Variants in MPO observed in about 807,000 individuals in gnomAD.
MPO encodes myeloperoxidase.
A neutral mutation model predicts 69.4 loss-of-function variants in MPO; 57 were observed. The ratio of observed to expected loss-of-function variants is 0.82; its 90% CI spans 0.66 to 1.02. The LOEUF (loss-of-function observed/expected upper bound fraction) is 1.02, where lower values mean the gene tolerates loss of function less well. MPO is among the 50% of genes least tolerant of loss of function. The pLI is 0.00. For missense variants in MPO, 971 were observed against 1,014.1 expected (o/e 0.96, Z 0.58); for synonymous variants, 426 against 417.1 (o/e 1.02, Z -0.26).
chr17:58,273,849 G>A (rs550826646), intron 8 of MPO, among the ~76,000 whole-genome samples, 180 bp from the exon 9 acceptor site: 52 of 152,324 alleles, frequency 3.4e-4, no homozygotes, highest in African/African-American at 1.2e-3. Context: ...GTGGCACTGA[G>A]AGGCATAAAT....
chr17:58,271,899 G>C lies in MPO; in HGVS notation c.1793-7C>G. 2 of 1,613,614 alleles carry C rather than the reference G, an allele frequency of 1.2e-6. No individual in the cohort carries two copies. The highest frequency in any genetic ancestry group is 1.3e-5 in the African/African-American group (1 of 75,060). On this transcript the variant is annotated splice_region_variant and splice_polypyrimidine_tract_variant and intron_variant, in intron 10 of 11. Transcript: ENST00000225275. ...CGCCTCCAGGCATTGTATCCTGCAT[G>C]GGGGAGGGGACAGGTGGCTATGGGC...
At position 58,270,845 on chromosome 17, in the gene MPO, C is replaced by T. The variant is rs1284597575; in HGVS notation, c.2049G>A (p.Glu683=). The part of the protein sequence containing the change: ...RDGDRFWWEN[E]GVFSMQQRQA... ...GTCGCTGCTGCATGCTGAACACACC[C>T]TCGTTCTCCCACCAAAACCTGCATG... The change falls in exon 12 of 12, where the codon GAG becomes GAA. Residue 683 remains glutamate (E), a synonymous_variant. Transcript: ENST00000225275. This position sits in a 1 kb window ranked among gnomAD's most constrained non-coding sequence, Gnocchi z 4.1. The T allele has an allele frequency of 1.2e-6, 2 of 1,613,264 alleles. No homozygotes were observed. Among genetic ancestry groups the T allele is most frequent in the Admixed American group, 1.7e-5 (1 of 60,010 alleles).
At position 58,279,083 on chromosome 17, in the gene MPO, G is replaced by T; in HGVS notation, c.810C>A (p.Ala270=). ...DHDLDFTPEP[A]ARASFVTGVN... ...CGCCAGTGACGAAGGAGGCCCGGGC[G>T]GCCGGCTCAGGGGTGAAGTCGAGGT... The change falls in exon 6 of 12, where the codon GCC becomes GCA. Residue 270 remains alanine, a synonymous_variant. Coordinates refer to ENST00000225275, the MANE Select transcript of MPO (RefSeq NM_000250.2). 1 of 1,613,124 alleles carries T rather than the reference G, an allele frequency of 6.2e-7. No homozygotes were observed. The highest frequency in any genetic ancestry group is 1.3e-5 in the African/African-American group (1 of 75,062).
intron 9 of MPO, among the ~76,000 whole-genome samples, 183 bp downstream of exon 9, chr17:58,273,231 C>G (rs1315006200): frequency 6.6e-6 from 1 of 152,204 alleles, no homozygotes; most frequent in African/African-American, 2.4e-5. Context: ...GGGCCATCCC[C>G]ACCCCACTGT....
chr17:58,275,596 C>G lies in MPO; in HGVS notation c.1311G>C (p.Trp437Cys). 7 of 1,614,176 alleles carry G rather than the reference C, an allele frequency of 4.3e-6. No homozygotes were observed. The highest frequency in any genetic ancestry group is 5.9e-6 in the Non-Finnish European group (7 of 1,180,032). Residue 437 changes from tryptophan to cysteine, a missense_variant, in exon 8 of 12, where the codon TGG becomes TGC. Trp to Cys is a radical substitution (Grantham distance 215). Transcript: ENST00000225275. The surrounding 1 kb of genome is among the most constrained non-coding windows in gnomAD (Gnocchi z 4.1). ...ATELKSLNPR[W>C]DGERLYQEAR... ...CTTCCTGGTAGAGCCTCTCCCCATC[C>G]CACCTAGGGTTCAGGCTCTTGAGCT...
chr17:58,279,320 G>GCTTGACCC lies in MPO; in HGVS notation c.647_654dup (p.Arg219GlyfsTer27). The GCTTGACCC allele has an allele frequency of 6.4e-7, 1 of 1,569,750 alleles. No individual in the cohort carries two copies. The highest frequency in any genetic ancestry group is 8.6e-7 in the Non-Finnish European group (1 of 1,157,700). On this transcript the variant is annotated frameshift_variant, in exon 5 of 12. Transcript: ENST00000225275. LOFTEE classifies it high-confidence loss of function. Reference sequence around the variant, plus strand: ...ACCAGAGCCACCGGGAAGCCGTTGCGCTTGACCCCGGGCGTCCAGCCGTAG... The same window carrying GCTTGACCC: ...ACCAGAGCCACCGGGAAGCCGTTGCGCTTGACCCCTTGACCCCGGGCGTCCAGCCGTAG...
At chr17:58,276,335 G>T (rs1245734759) in intron 7 of MPO, among the ~76,000 whole-genome samples, 2 of 152,204 alleles carry the variant, frequency 1.3e-5, no homozygotes, top group African/African-American at 4.8e-5. Flanking sequence ...ACATGCCAAT[G>T]GTGCAGCCTG....
In MPO at chr17:58,280,505, C is replaced by T. The variant is rs759064502; in HGVS notation, c.155-46G>A. On this transcript the variant is annotated intron_variant, in intron 1 of 11. Transcript: ENST00000225275. ...AAAGTCAGGAATGGGCCCCAACCCC[C>T]TATCAGGCCCCAGAGCTAGGAAGGC... 3.7e-6 allele frequency: 6 copies of T among 1,613,046 alleles called. No homozygotes were observed. In the Admixed American group the frequency reaches 5.0e-5, roughly 13 times the overall value.
rs745365911 is a variant in MPO at position 58,271,903 on chromosome 17, G to A, written c.1793-11C>T. 1 of 1,613,488 alleles carries A rather than the reference G, an allele frequency of 6.2e-7. No homozygotes were observed. ...TCCAGGCATTGTATCCTGCATGGGG[G>A]AGGGGACAGGTGGCTATGGGCAGGT... is the stretch of plus-strand genomic sequence containing the variant. On this transcript the variant is annotated splice_polypyrimidine_tract_variant and intron_variant, in intron 10 of 11. Transcript: ENST00000225275.
chr17:58,275,853 C>A lies in MPO; in HGVS notation c.1205-151G>T, dbSNP rs1970430366. On this transcript the variant is annotated intron_variant, in intron 7 of 11. Coordinates refer to ENST00000225275, the MANE Select transcript of MPO (RefSeq NM_000250.2). This position sits in a 1 kb window ranked among gnomAD's most constrained non-coding sequence, Gnocchi z 4.1. ...TTTCAAACTATCCCCAATTTACACT[C>A]CTCTAGGAGGCCTTCCCTGATGCCC... 3 of 969,314 alleles carry A rather than the reference C, an allele frequency of 3.1e-6. No homozygotes were observed. Among genetic ancestry groups the A allele is most frequent in the Admixed American group, 4.1e-5 (2 of 49,276 alleles). 60.0% of individuals were successfully genotyped at this position (969,314 alleles called of 1,614,324 possible).
At position 58,270,823 on chromosome 17, in the gene MPO, G is replaced by A. The variant is rs773724375; in HGVS notation, c.2071C>T (p.Arg691Ter). The change falls in exon 12 of 12, where the codon CGA (arginine) becomes TGA (stop). Residue 691 changes from arginine (R) to a stop codon, truncating the protein, a stop_gained. Transcript: ENST00000225275. LOFTEE classifies it high-confidence loss of function. The surrounding 1 kb of genome is among the most constrained non-coding windows in gnomAD (Gnocchi z 4.1). ...AATGAGATCTGGGCCAGGGCCTGTC[G>A]CTGCTGCATGCTGAACACACCCTCG... ...ENEGVFSMQQRQALAQISLPR... is the reference protein window; with the variant it reads ...ENEGVFSMQQ 8.1e-6 allele frequency: 13 copies of A among 1,613,642 alleles called. No individual in the cohort carries two copies. The highest frequency in any genetic ancestry group is 2.2e-5 in the East Asian group (1 of 44,894).
Position 58,278,141 on chromosome 17 carries a change from G to C in MPO, c.890C>G (p.Pro297Arg). The C allele has an allele frequency of 6.2e-7, 1 of 1,600,834 alleles. No homozygotes were observed. ...GTTCTTGATGCGGGGGTCATTGGGC[G>C]GGATCTGAGGCACAGAGAGAGGCTA... ...QQPPCFPLKI[P>R]PNDPRIKNQA... Residue 297 changes from proline (P) to arginine (R), a missense_variant, in exon 7 of 12, where the codon CCG becomes CGG. Transcript: ENST00000225275.
Position 58,272,660 on chromosome 17 carries a change from G to A in MPO, c.1792+88C>T. ...TCTAATATGCTTTGGAGAGGGCAGG[G>A]ACCCTAGAGTGGGAAGGGGGGTGAT... On this transcript the variant is annotated intron_variant, in intron 10 of 11. Transcript: ENST00000225275. 2.7e-6 allele frequency: 4 copies of A among 1,478,556 alleles called. No homozygotes were observed. The South Asian group carries it at 4.9e-5, about 18-fold the overall frequency. The allele number at this position is 1,478,556 out of a possible 1,614,324, so 91.6% of individuals were successfully genotyped here. A position where few individuals can be genotyped will look rare whatever the true frequency, so the allele number is the denominator to read the frequency against.
chr17:58,271,728 G>A lies in MPO; in HGVS notation c.1957C>T (p.Arg653Cys), dbSNP rs764300779. Residue 653 changes from arginine (R) to cysteine (C), a missense_variant, in exon 11 of 12, where the codon CGC becomes TGC. Coordinates refer to ENST00000225275, the MANE Select transcript of MPO (RefSeq NM_000250.2). Reference sequence around the variant, plus strand: ...AGGAGTGGGCCCACGCGGCCTTTGCGCTTCAGAGGCTCGGACACGCCGCCC... The same window carrying A: ...AGGAGTGGGCCCACGCGGCCTTTGCACTTCAGAGGCTCGGACACGCCGCCC... ...WMGGVSEPLK[R>C]KGRVGPLLAC... The A allele has an allele frequency of 3.0e-5, 48 of 1,613,940 alleles. No homozygotes were observed. Among genetic ancestry groups the A allele is most frequent in the Non-Finnish European group, 3.8e-5 (45 of 1,180,054 alleles).
chr17:58,271,429 A>G (rs1970363002), intron 11 of MPO, among the ~76,000 whole-genome samples: 1 of 152,148 alleles, frequency 6.6e-6, no homozygotes, highest in Non-Finnish European at 1.5e-5. Flanking sequence ...GCACTTTTCT[A>G]TCTTCCACCC....
intron 7 of MPO, among the ~76,000 whole-genome samples, chr17:58,276,681 C>G (rs918568629): frequency 3.9e-5 from 6 of 152,194 alleles, no homozygotes; most frequent in Non-Finnish European, 5.9e-5. Flanking sequence ...GGTCGGGCAT[C>G]TCTTGCAGAA....
At chr17:58,274,679 G>T (rs1032796470) in intron 8 of MPO, among the ~76,000 whole-genome samples, 5 of 151,746 alleles carry the variant, frequency 3.3e-5, no homozygotes, top group African/African-American at 4.8e-5. Context: ...AATTAGCCGG[G>T]CGTGGTGGCC....
chr17:58,277,669 T>A (rs1970455057), intron 7 of MPO, 158 bp downstream of exon 7: 1 of 1,111,490 alleles, frequency 9.0e-7, no homozygotes, highest in Non-Finnish European at 1.3e-6. Flanking sequence ...TCTGACTTGT[T>A]ACCAAGGCAA....
At position 58,279,567 on chromosome 17, in the gene MPO, C is replaced by T. The variant is rs375662667; in HGVS notation, c.504G>A (p.Pro168=). The change falls in exon 4 of 12, where the codon CCG becomes CCA. Residue 168 remains proline, a synonymous_variant. Coordinates refer to ENST00000225275, the MANE Select transcript of MPO (RefSeq NM_000250.2). ...CAYQDVGVTC[P]EQDKYRTITG... ...TGATGGTGCGGTATTTGTCCTGCTC[C>T]GGGCAAGTCACCCCCACGTCCTGGT... is the stretch of plus-strand genomic sequence containing the variant. The T allele has an allele frequency of 2.8e-5, 46 of 1,614,046 alleles. No individual in the cohort carries two copies. The highest frequency in any genetic ancestry group is 4.0e-5 in the African/African-American group (3 of 74,934).
Sources: gnomAD v4.1 joint callset for allele counts (sites outside exome capture counted in the v4.1 genomes callset) on GRCh38, gnomAD v4.1.1 for gene constraint, Gnocchi (gnomAD v3.1) non-coding constraint, MANE v1.5 for transcripts, NCBI Gene and HGNC (gene_info 2026-07-23, HGNC 2026-07-21) for gene names.